The following DPF3 variants were observed in gnomAD, a reference collection of about 807,000 sequenced individuals.
DPF3 encodes the protein zinc finger protein DPF3.
DPF3 carries 18 observed loss-of-function variants against 56.8 expected under a neutral mutation model. The observed-to-expected ratio is 0.32, with a 90% confidence interval of 0.22 to 0.47. DPF3 has a LOEUF of 0.47. Ranked by LOEUF, DPF3 falls within the 20% of genes least tolerant of loss-of-function variation. The pLI is 1.00. For synonymous variants in DPF3, 188 were observed against 180.2 expected, an observed-to-expected ratio of 1.04 and a Z score of -0.35; for missense variants, 403 against 488.8, an observed-to-expected ratio of 0.82 and a Z score of 1.65.
At chr14:72,635,622 A>T (rs566900420) in intron 8 of DPF3, among the ~76,000 whole-genome samples, 1 of 152,368 alleles carries the variant, frequency 6.6e-6, no homozygotes, top group East Asian at 1.9e-4. Flanking sequence ...TTAAGCTGAC[A>T]TTATGATTGC....
chr14:72,734,176 T>C (rs1214739463), intron 3 of DPF3, among the ~76,000 whole-genome samples: 2 of 152,212 alleles, frequency 1.3e-5, no homozygotes, highest in African/African-American at 2.4e-5. Context: ...AAGAGACAGA[T>C]AGTAAATGCA....
chr14:72,617,749 G>T lies in DPF3; in HGVS notation c.*1548C>A, dbSNP rs1032905361. On this transcript the variant is annotated 3_prime_UTR_variant, in exon 11 of 11. Transcript: ENST00000556509. ...GGGACAGCACAAATACTGCGGCCGG[G>T]CAGAGGTGGCCCAACTAGCCCGAGT... is the stretch of plus-strand genomic sequence containing the variant. Among the ~76,000 whole-genome samples, 4 of 152,152 alleles carry T rather than the reference G, an allele frequency of 2.6e-5. No individual in the cohort carries two copies. Among genetic ancestry groups the T allele is most frequent in the African/African-American group, 9.7e-5 (4 of 41,436 alleles).
chr14:72,688,457 A>C (rs1316550608), intron 7 of DPF3, among the ~76,000 whole-genome samples: 2 of 152,212 alleles, frequency 1.3e-5, no homozygotes, highest in Admixed American at 1.3e-4. Flanking sequence ...CCTCAAAAAC[A>C]TCATCTATAA....
At chr14:72,718,039 A>G (rs1252311632) in intron 5 of DPF3, among the ~76,000 whole-genome samples, 1 of 152,112 alleles carries the variant, frequency 6.6e-6, no homozygotes, top group Non-Finnish European at 1.5e-5. Flanking sequence ...GAAAACAGTG[A>G]CCCTAGCTAG....
At chr14:72,803,871 G>A (rs1892984461) in intron 1 of DPF3, among the ~76,000 whole-genome samples, 1 of 151,402 alleles carries the variant, frequency 6.6e-6, no homozygotes, top group Non-Finnish European at 1.5e-5. Context: ...GCAGTGAAAG[G>A]GCTAGGCCTG....
At chr14:72,661,339 C>T (rs755529131) in intron 8 of DPF3, 6 of 985,294 alleles carry the variant, frequency 6.1e-6, no homozygotes, top group Non-Finnish European at 7.2e-6. Flanking sequence ...TGCCCACCTG[C>T]CCTGCCCTTT....
rs117341158 is a variant in DPF3 at position 72,737,095 on chromosome 14, A to C, written c.302-5161T>G. On this transcript the variant is annotated intron_variant, in intron 3 of 10. Coordinates refer to ENST00000556509, the MANE Select transcript of DPF3 (RefSeq NM_001280542.3). The stretch of plus-strand genomic sequence containing the variant: ...AGACAGCTTCTGTGCAAACCGAAGC[A>C]AATCGGTTTCTAAATAAGAAAAAAC... Among the ~76,000 whole-genome samples the C allele has an allele frequency of 9.0e-3, 1,364 of 152,148 alleles. 10 individuals carry two copies. The highest frequency in any genetic ancestry group is 0.016 in the Non-Finnish European group (1,085 of 68,010).
intron 5 of DPF3, 98 bp downstream of exon 5, chr14:72,723,535 T>C (rs1889269366): frequency 1.9e-6 from 2 of 1,030,006 alleles, no homozygotes; most frequent in Non-Finnish European, 2.8e-6. Flanking sequence ...TGTAAGACCA[T>C]GGCCATGATT....
rs190784077 is a variant in DPF3, at chr14:72,832,296, A to T, written c.33-60403T>A. The stretch of plus-strand genomic sequence containing the variant: ...ACTAACTAGCAATCTAAGATAAAAA[A>T]TTTTTTTAAAAAAATCACTTGGAAA... On this transcript the variant is annotated intron_variant, in intron 1 of 10. Transcript: ENST00000556509. Among the ~76,000 whole-genome samples, 854 of 152,274 alleles carry T rather than the reference A, an allele frequency of 5.6e-3. 6 individuals carry two copies. Among genetic ancestry groups the T allele is most frequent in the African/African-American group, 0.019 (797 of 41,548 alleles).
intron 6 of DPF3, among the ~76,000 whole-genome samples, chr14:72,713,743 T>A (rs960822789): frequency 1.3e-5 from 2 of 152,118 alleles, no homozygotes; most frequent in African/African-American, 2.4e-5. Context: ...ACCTCCCTCA[T>A]CAAGCTGCAG....
chr14:72,711,742 T>C (rs1888661955), intron 6 of DPF3, among the ~76,000 whole-genome samples: 1 of 152,094 alleles, frequency 6.6e-6, no homozygotes, highest in Non-Finnish European at 1.5e-5. Context: ...AGGGGACCTG[T>C]AGGAGAGAAA....
chr14:72,739,316 C>G (rs1292208057), intron 3 of DPF3, among the ~76,000 whole-genome samples: 1 of 152,042 alleles, frequency 6.6e-6, no homozygotes. Context: ...GGGGTGAACT[C>G]TCAGCTCCAT....
In DPF3 at chr14:72,677,857, C is replaced by T. The variant is rs79497895; in HGVS notation, c.743-3489G>A. ...AATACTGTACCCCTCCTGTGGGAGG[C>T]GAGACATCATTCTGCACCAAACACA... is the stretch of plus-strand genomic sequence containing the variant. On this transcript the variant is annotated intron_variant, in intron 7 of 10. Transcript: ENST00000556509. Among the ~76,000 whole-genome samples, 737 of 152,222 alleles carry T rather than the reference C, an allele frequency of 4.8e-3. 7 individuals are homozygous for T. The highest frequency in any genetic ancestry group is 0.015 in the African/African-American group (624 of 41,528).
chr14:72,809,673 C>T (rs1882950483), intron 1 of DPF3, among the ~76,000 whole-genome samples: 6 of 152,206 alleles, frequency 3.9e-5, no homozygotes, highest in Admixed American at 3.9e-4. Flanking sequence ...TGATTCTCAG[C>T]CCTGCTTGTC....
At chr14:72,796,075 C>T (rs1389085220) in intron 1 of DPF3, among the ~76,000 whole-genome samples, 3 of 152,182 alleles carry the variant, frequency 2.0e-5, no homozygotes, top group African/African-American at 7.2e-5. Flanking sequence ...GATTCCATTA[C>T]TGAAATCTCT....
chr14:72,791,656 T>C (rs1178696448), intron 1 of DPF3, among the ~76,000 whole-genome samples: 1 of 152,240 alleles, frequency 6.6e-6, no homozygotes, highest in African/African-American at 2.4e-5. Context: ...ACAATATCAT[T>C]TGTTGAGCAA....
intron 2 of DPF3, among the ~76,000 whole-genome samples, chr14:72,762,020 CCTATATCTAT>C (rs1891087087): frequency 6.6e-6 from 1 of 151,518 alleles, no homozygotes; most frequent in Non-Finnish European, 1.5e-5. Flanking sequence ...CCTAAATAGC[CCTATATCTAT>C]AAAATAAATT....
At chr14:72,717,783 G>T (rs941360837) in intron 5 of DPF3, among the ~76,000 whole-genome samples, 2 of 152,204 alleles carry the variant, frequency 1.3e-5, no homozygotes, top group African/African-American at 2.4e-5. Context: ...GCAGGACCTA[G>T]GTCTCCAGGC....
chr14:72,859,565 T>C (rs1885310249), intron 1 of DPF3, among the ~76,000 whole-genome samples: 1 of 142,856 alleles, frequency 7.0e-6, no homozygotes, highest in Non-Finnish European at 1.5e-5. Context: ...CTCTTCGACC[T>C]TACCCTGGCC....
Sources: allele counts gnomAD v4.1 joint callset (sites outside exome capture counted in the v4.1 genomes callset), GRCh38; gene constraint gnomAD v4.1.1; transcripts MANE v1.5; gene names NCBI Gene and HGNC (gene_info 2026-07-23, HGNC 2026-07-21).